Variants in PRUNE2 observed in about 807,000 individuals in gnomAD.
The protein encoded by PRUNE2 is prune homolog 2 with BCH domain.
PRUNE2 carries 164 observed loss-of-function variants against 252.0 expected under a neutral mutation model. The observed-to-expected ratio is 0.65, with a 90% confidence interval of 0.57 to 0.74. PRUNE2 has a LOEUF of 0.74. Among genes scored for constraint, PRUNE2 ranks in the 30% least tolerant of loss-of-function variants. The probability of loss-of-function intolerance (pLI) is 0.00; values close to 1 mark genes in which losing one functional copy is unlikely to be tolerated. For missense variants in PRUNE2, 3,495 were observed against 3,711.0 expected, an observed-to-expected ratio of 0.94 and a Z score of 1.51; for synonymous variants, 1,292 against 1,350.2, an observed-to-expected ratio of 0.96 and a Z score of 0.94.
chr9:76,864,770 A>G lies in PRUNE2; in HGVS notation c.37-10562T>C, dbSNP rs372740712. 2.0e-4 allele frequency among the ~76,000 whole-genome samples: 30 copies of G among 152,346 alleles called. No individual in the cohort carries two copies. The South Asian group carries it at 3.7e-3, about 19-fold the overall frequency. The stretch of plus-strand genomic sequence containing the variant: ...GAATAAGAAATGAATATATGAAAAG[A>G]TATTCAGTCTCATTAGTAGTCATGG... On this transcript the variant is annotated intron_variant, in intron 1 of 18. Coordinates refer to ENST00000376718, the MANE Select transcript of PRUNE2 (RefSeq NM_015225.3).
chr9:76,826,161 G>A (rs1042366635), intron 5 of PRUNE2, among the ~76,000 whole-genome samples: 3 of 152,218 alleles, frequency 2.0e-5, no homozygotes, highest in Non-Finnish European at 4.4e-5. Flanking sequence ...GCAATAGGAA[G>A]AAGGTGAAAC....
At chr9:76,755,443 A>T (rs1589038591) in intron 6 of PRUNE2, among the ~76,000 whole-genome samples, 1 of 115,214 alleles carries the variant, frequency 8.7e-6, no homozygotes, top group Non-Finnish European at 1.6e-5. Flanking sequence ...TGGGGATATA[A>T]AAAAAAATAC....
chr9:76,815,209 C>G (rs2057606655), intron 6 of PRUNE2, among the ~76,000 whole-genome samples: 1 of 152,176 alleles, frequency 6.6e-6, no homozygotes, highest in Non-Finnish European at 1.5e-5. Context: ...GAGGAAGATC[C>G]AGAGCACCAC....
chr9:76,657,782 C>T (rs756987903), intron 9 of PRUNE2, among the ~76,000 whole-genome samples: 1 of 152,172 alleles, frequency 6.6e-6, no homozygotes, highest in African/African-American at 2.4e-5. Flanking sequence ...CATGGTTGGA[C>T]AAATCATAAT....
chr9:76,899,518 T>C (rs900802983), intron 1 of PRUNE2, among the ~76,000 whole-genome samples: 3 of 152,050 alleles, frequency 2.0e-5, no homozygotes, highest in African/African-American at 7.2e-5. Context: ...AACCTGGCCC[T>C]CCGTTTATTT....
At chr9:76,698,377 A>G (rs2487263) in intron 9 of PRUNE2, among the ~76,000 whole-genome samples, 76,331 of 152,020 alleles carry the variant, frequency 0.5, 20,738 homozygotes, top group Middle Eastern at 0.72. Flanking sequence ...ATCACCACCA[A>G]CTCACCAACA....
chr9:76,718,587 G>A (rs767643970), intron 6 of PRUNE2, among the ~76,000 whole-genome samples: 2 of 152,046 alleles, frequency 1.3e-5, no homozygotes, highest in South Asian at 2.1e-4. Flanking sequence ...CGGATTCACC[G>A]ACTGCCCTTC....
At chr9:76,729,226 T>A (rs997719384) in intron 6 of PRUNE2, among the ~76,000 whole-genome samples, 2 of 152,158 alleles carry the variant, frequency 1.3e-5, no homozygotes, top group Non-Finnish European at 2.9e-5. Context: ...AAGTCAATGA[T>A]CCTCAAACTT....
At chr9:76,682,579 G>A (rs1045022848) in intron 9 of PRUNE2, among the ~76,000 whole-genome samples, 5 of 152,184 alleles carry the variant, frequency 3.3e-5, no homozygotes, top group East Asian at 3.9e-4. Flanking sequence ...ATGGTGGTCA[G>A]GCTGGTCTTG....
At chr9:76,643,987 C>T (rs1470256771) in intron 12 of PRUNE2, among the ~76,000 whole-genome samples, 5 of 152,064 alleles carry the variant, frequency 3.3e-5, no homozygotes, top group Non-Finnish European at 7.4e-5. Context: ...ACCTCAGGCT[C>T]GGGAAAGGAA....
chr9:76,614,898 T>C (rs1564306538), intron 18 of PRUNE2, among the ~76,000 whole-genome samples: 1 of 152,110 alleles, frequency 6.6e-6, no homozygotes, highest in Non-Finnish European at 1.5e-5. Context: ...CCAAAGTCAA[T>C]TAAGATAAGG....
chr9:76,839,037 AT>A (rs1250183844), intron 4 of PRUNE2, among the ~76,000 whole-genome samples: 1 of 152,198 alleles, frequency 6.6e-6, no homozygotes, highest in Admixed American at 6.5e-5. Context: ...AAACACTAGG[AT>A]TTCTTAAAGC....
At chr9:76,737,828 T>C (rs754752372) in intron 6 of PRUNE2, 4 of 152,268 alleles carry the variant, frequency 2.6e-5, no homozygotes, top group Non-Finnish European at 5.9e-5. Flanking sequence ...TTCAACAATA[T>C]CTGATTTATT....
At chr9:76,761,035 G>A (rs1196376795) in intron 6 of PRUNE2, among the ~76,000 whole-genome samples, 4 of 142,616 alleles carry the variant, frequency 2.8e-5, no homozygotes, top group Admixed American at 1.5e-4. Flanking sequence ...GCGGTGAGCC[G>A]AGATCACACC....
intron 1 of PRUNE2, among the ~76,000 whole-genome samples, chr9:76,899,943 G>A (rs542578990): frequency 1.2e-4 from 19 of 152,296 alleles, no homozygotes; most frequent in African/African-American, 4.3e-4. Context: ...AAGAACAATG[G>A]AAAGTGATGA....
At chr9:76,621,403 C>A (rs368636308) in intron 17 of PRUNE2, among the ~76,000 whole-genome samples, 21 of 152,140 alleles carry the variant, frequency 1.4e-4, no homozygotes, top group African/African-American at 4.8e-4. Context: ...CCTGTGGGGT[C>A]AACAGAGTAG....
chr9:76,903,574 C>G (rs1237030135), intron 1 of PRUNE2, among the ~76,000 whole-genome samples: 4 of 152,018 alleles, frequency 2.6e-5, no homozygotes, highest in Admixed American at 6.6e-5. Context: ...TTTTAAAAAT[C>G]TTACTATTTT....
intron 1 of PRUNE2, among the ~76,000 whole-genome samples, chr9:76,869,458 T>C (rs1007603345): frequency 6.6e-6 from 1 of 152,208 alleles, no homozygotes; most frequent in Admixed American, 6.5e-5. Flanking sequence ...AGGATCGTTC[T>C]CTCTTTCTCT....
chr9:76,705,572 G>A lies in PRUNE2; in HGVS notation c.6702C>T (p.Ser2234=). 1 of 1,614,036 alleles carries A rather than the reference G, an allele frequency of 6.2e-7. No individual in the cohort carries two copies. The change falls in exon 8 of 19, where the codon AGC becomes AGT. Residue 2234 remains serine, a synonymous_variant. Coordinates refer to ENST00000376718, the MANE Select transcript of PRUNE2 (RefSeq NM_015225.3). ...RIPRIENVAT[S]IFVTHQEPTP... ...TTGGCTCTTGGTGAGTTACAAAAAT[G>A]CTAGTTGCCACATTTTCAATCCTTG...
Sources: allele counts gnomAD v4.1 joint callset (sites outside exome capture counted in the v4.1 genomes callset), GRCh38; gene constraint gnomAD v4.1.1; transcripts MANE v1.5; gene names NCBI Gene and HGNC (gene_info 2026-07-23, HGNC 2026-07-21).